The following UGT1A10 variants were observed in gnomAD, a reference collection of about 807,000 sequenced individuals.
UGT1A10 encodes UDP glucuronosyltransferase family 1 member A10, also known as UDP-glucuronosyltransferase 1A10.
UGT1A10 carries 49 observed loss-of-function variants against 45.8 expected under a neutral mutation model. That is an observed-to-expected ratio of 1.07 (90% CI 0.85 to 1.36). The LOEUF is 1.36. Ranked by LOEUF, UGT1A10 falls within the 40% of genes most tolerant of loss-of-function variation. UGT1A10 has a pLI of 0.00. For missense variants in UGT1A10, 745 were observed against 668.6 expected (o/e 1.11, Z -1.26); for synonymous variants, 284 against 249.7 (o/e 1.14, Z -1.29).
At chr2:233,695,469 T>G (rs2075291280) in intron 1 of UGT1A10, among the ~76,000 whole-genome samples, 2 of 151,992 alleles carry the variant, frequency 1.3e-5, no homozygotes, top group African/African-American at 4.8e-5. Flanking sequence ...TATTGGCCCT[T>G]TAGATGTTTT....
intron 1 of UGT1A10, among the ~76,000 whole-genome samples, chr2:233,663,568 G>A (rs866348648): frequency 4.6e-5 from 7 of 152,106 alleles, no homozygotes; most frequent in Admixed American, 6.6e-5. Flanking sequence ...TCAGAATCTC[G>A]TAACCTCCAT....
chr2:233,691,085 A>G, intron 1 of UGT1A10: 1 of 986,138 alleles, frequency 1.0e-6, no homozygotes, highest in Non-Finnish European at 1.2e-6. Context: ...AGTTTGTAGC[A>G]TCTCTTGATC....
intron 1 of UGT1A10, among the ~76,000 whole-genome samples, chr2:233,751,294 T>C (rs985259482): frequency 6.6e-6 from 1 of 151,990 alleles, no homozygotes; most frequent in African/African-American, 2.4e-5. Flanking sequence ...CCATTTGGAA[T>C]GGGAATATTT....
intron 1 of UGT1A10, chr2:233,692,795 C>A: frequency 7.3e-7 from 1 of 1,377,212 alleles, no homozygotes; most frequent in Non-Finnish European, 9.4e-7. Flanking sequence ...TGAAAGCTGA[C>A]ACGGCCATAG....
At chr2:233,677,231 C>G (rs1158558873) in intron 1 of UGT1A10, among the ~76,000 whole-genome samples, 1 of 152,136 alleles carries the variant, frequency 6.6e-6, no homozygotes, top group African/African-American at 2.4e-5. Context: ...AATGTACAGT[C>G]TTTCACATCC....
rs114514275 is a variant in UGT1A10 at position 233,742,148 on chromosome 2, C to T, written c.856-24886C>T. On this transcript the variant is annotated intron_variant, in intron 1 of 4. Transcript: ENST00000344644. ...GAGACCCTAACCCAGCAGCGCTAGA[C>T]GAATTAAAGACACACACACAGAAAT... 2.7e-3 allele frequency among the ~76,000 whole-genome samples: 409 copies of T among 151,916 alleles called. 4 individuals carry two copies. Among genetic ancestry groups the T allele is most frequent in the Middle Eastern group, 6.8e-3 (2 of 294 alleles).
rs186747767 is a variant in UGT1A10 at position 233,742,893 on chromosome 2, C to T, written c.856-24141C>T. ...AACCACCTGGCTCACACTTTCCCAA[C>T]GGAAAAAGGTAATGCTCAAAGTGCT... On this transcript the variant is annotated intron_variant, in intron 1 of 4. Transcript: ENST00000344644. The T allele has an allele frequency of 2.6e-3, 421 of 164,252 alleles. 10 individuals carry two copies. The highest frequency in any genetic ancestry group is 8.8e-3 in the African/African-American group (363 of 41,448). 10.2% of individuals were successfully genotyped at this position (164,252 alleles called of 1,614,324 possible). A position where few individuals can be genotyped will look rare whatever the true frequency, so the allele number is the denominator to read the frequency against.
At chr2:233,713,593 A>G in intron 1 of UGT1A10, 2 of 1,613,934 alleles carry the variant, frequency 1.2e-6, no homozygotes, top group South Asian at 1.1e-5. Context: ...CTAACGACCA[A>G]TTCAGACCAC....
chr2:233,654,751 A>G (rs1383325239), intron 1 of UGT1A10, among the ~76,000 whole-genome samples: 1 of 152,162 alleles, frequency 6.6e-6, no homozygotes, highest in Non-Finnish European at 1.5e-5. Flanking sequence ...CACATCTTGA[A>G]CAGACTGTTT....
intron 1 of UGT1A10, among the ~76,000 whole-genome samples, chr2:233,642,051 T>C (rs1477069553): frequency 6.6e-6 from 1 of 152,208 alleles, no homozygotes; most frequent in Non-Finnish European, 1.5e-5. Context: ...TATCTTTCTC[T>C]AGGTTTGGAA....
intron 1 of UGT1A10, chr2:233,753,750 T>C (rs1387497613): frequency 6.6e-6 from 1 of 152,184 alleles, no homozygotes; most frequent in Non-Finnish European, 1.5e-5. Context: ...AATAGGACAG[T>C]TTTGCGTGGC....
intron 2 of UGT1A10, 91 bp from the exon 3 acceptor site, chr2:233,767,758 G>A: frequency 6.2e-7 from 1 of 1,604,004 alleles, no homozygotes. Context: ...TGTTCCTTCA[G>A]AGGACCCCTG....
intron 1 of UGT1A10, among the ~76,000 whole-genome samples, chr2:233,637,746 A>G (rs1175997987): frequency 6.6e-6 from 1 of 152,162 alleles, no homozygotes; most frequent in Admixed American, 6.5e-5. Context: ...GAAAAAAAGT[A>G]TTTTAGGCAT....
intron 1 of UGT1A10, among the ~76,000 whole-genome samples, chr2:233,700,828 C>T (rs1333219012): frequency 2.0e-5 from 3 of 151,942 alleles, no homozygotes; most frequent in Non-Finnish European, 2.9e-5. Flanking sequence ...CCCATTAACT[C>T]GTCATTTAGC....
chr2:233,760,268 C>T (rs1166163686), intron 1 of UGT1A10: 1 of 1,612,240 alleles, frequency 6.2e-7, no homozygotes, highest in Admixed American at 1.7e-5. Context: ...GGGCGAACCT[C>T]TGGCAGGAGC....
chr2:233,637,824 ATTC>A (rs1409286118), intron 1 of UGT1A10, among the ~76,000 whole-genome samples: 1 of 152,180 alleles, frequency 6.6e-6, no homozygotes, highest in African/African-American at 2.4e-5. Context: ...GGCTGAACAT[ATTC>A]TTCTTTATCT....
At chr2:233,770,517 G>A (rs1365458811) in intron 4 of UGT1A10, 2 of 152,204 alleles carry the variant, frequency 1.3e-5, no homozygotes, top group African/African-American at 4.8e-5. Flanking sequence ...AATTACCCAG[G>A]CATGGTGGTG....
chr2:233,678,113 T>C (rs185760487), intron 1 of UGT1A10, among the ~76,000 whole-genome samples: 26 of 152,260 alleles, frequency 1.7e-4, no homozygotes, highest in Non-Finnish European at 3.5e-4. Flanking sequence ...GGGAGCTAAA[T>C]AGTGGGTACT....
rs202172337 is a variant in UGT1A10 at position 233,772,279 on chromosome 2, T to C, written c.1313T>C (p.Met438Thr). The change falls in exon 5 of 5, where the codon ATG becomes ACG. Residue 438 changes from methionine to threonine, a missense_variant. Met to Thr is a moderately conservative substitution (Grantham distance 81). Transcript: ENST00000344644. ...GTGTTTAGTTACAAGGAGAACATCA[T>C]GCGCCTCTCCAGCCTTCACAAGGAC... is the stretch of plus-strand genomic sequence containing the variant. ...INDKSYKENI[M>T]RLSSLHKDRP... is the part of the protein sequence containing the mutation. 1.3e-4 allele frequency: 204 copies of C among 1,614,264 alleles called. No individual in the cohort carries two copies. Among genetic ancestry groups the C allele is most frequent in the East Asian group, 4.2e-4 (19 of 44,890 alleles).
Sources: gnomAD v4.1 joint callset for allele counts (sites outside exome capture counted in the v4.1 genomes callset) on GRCh38, gnomAD v4.1.1 for gene constraint, MANE v1.5 for transcripts, NCBI Gene and HGNC (gene_info 2026-07-23, HGNC 2026-07-21) for gene names.